SLC14A2: variants seen among roughly 807,000 people sequenced by gnomAD.
The protein encoded by SLC14A2 is urea transporter 2.
In SLC14A2, 91 loss-of-function variants were observed where a neutral mutation model predicts 104.6. The observed-to-expected ratio is 0.87, with a 90% CI of 0.73 to 1.04. The LOEUF is 1.04. SLC14A2 is among the 50% of genes least tolerant of loss of function. The pLI is 0.00. For synonymous variants in SLC14A2, 476 were observed against 466.4 expected, an observed-to-expected ratio of 1.02 and a Z score of -0.27; for missense variants, 1,189 against 1,156.0, an observed-to-expected ratio of 1.03 and a Z score of -0.41.
At chr18:45,657,301 A>G (rs980602498) in intron 10 of SLC14A2, among the ~76,000 whole-genome samples, 2 of 151,404 alleles carry the variant, frequency 1.3e-5, no homozygotes, top group African/African-American at 4.9e-5. Flanking sequence ...GTGAAACCCC[A>G]TCTCTACTAA....
chr18:45,177,282 T>C, the SLC14A2 span, among the ~76,000 whole-genome samples: 1 of 152,150 alleles, frequency 6.6e-6, no homozygotes, highest in African/African-American at 2.4e-5. Flanking sequence ...GACACCCTAA[T>C]TCATGTTCTT....
At chr18:45,274,063 A>G (rs2084677610) in intron 1 of SLC14A2, among the ~76,000 whole-genome samples, 1 of 152,330 alleles carries the variant, frequency 6.6e-6, no homozygotes, top group East Asian at 1.9e-4. Flanking sequence ...GATTCCATCT[A>G]TGTGATAACA....
chr18:45,198,935 A>G, the SLC14A2 span, among the ~76,000 whole-genome samples: 740 of 152,262 alleles, frequency 4.9e-3, no homozygotes, highest in Non-Finnish European at 8.2e-3. Flanking sequence ...TTCTTTGTGC[A>G]CCAATTTTCT....
intron 3 of SLC14A2, among the ~76,000 whole-genome samples, chr18:45,626,261 T>G (rs536035498): frequency 6.6e-6 from 1 of 152,228 alleles, no homozygotes; most frequent in Non-Finnish European, 1.5e-5. Context: ...GCCTGCTATG[T>G]GCCAAGAAAA....
At chr18:45,535,695 C>A (rs907668139) in intron 2 of SLC14A2, among the ~76,000 whole-genome samples, 1 of 152,164 alleles carries the variant, frequency 6.6e-6, no homozygotes, top group African/African-American at 2.4e-5. Flanking sequence ...CTTGCATGGA[C>A]ACAAAATGAA....
In SLC14A2 at chr18:45,437,299, A is replaced by G. The variant is rs530094168; in HGVS notation, c.-124-45934A>G. Among the ~76,000 whole-genome samples, 3 of 152,354 alleles carry G rather than the reference A, an allele frequency of 2.0e-5. No homozygotes were observed. The South Asian group carries it at 6.2e-4, about 32-fold the overall frequency. ...GTACACCCAAGGGAGCAGGAAAGAAAGCAGGGCCAAGGTGCAGGCACATCC... is the reference window on the plus strand; with the variant it reads ...GTACACCCAAGGGAGCAGGAAAGAAGGCAGGGCCAAGGTGCAGGCACATCC... On this transcript the variant is annotated intron_variant, in intron 1 of 20. Coordinates refer to the SLC14A2 transcript ENST00000586448.
At chr18:45,388,247 A>G (rs2085922688) in intron 1 of SLC14A2, among the ~76,000 whole-genome samples, 1 of 151,788 alleles carries the variant, frequency 6.6e-6, no homozygotes, top group Non-Finnish European at 1.5e-5. Context: ...TATTTTTAGT[A>G]GAGATGGGGT....
chr18:45,176,189 A>T, the SLC14A2 span, among the ~76,000 whole-genome samples: 6 of 152,180 alleles, frequency 3.9e-5, no homozygotes, highest in African/African-American at 1.4e-4. Flanking sequence ...GTTCCTAAGC[A>T]CCAGGCATCA....
At chr18:45,611,685 G>A (rs1040918636), upstream of SLC14A2, among the ~76,000 whole-genome samples, 2 of 152,180 alleles carry the variant, frequency 1.3e-5, no homozygotes, top group Non-Finnish European at 2.9e-5. Flanking sequence ...AGAGTCCAGG[G>A]CCCAACACAA....
chr18:45,520,407 C>T lies in SLC14A2; in HGVS notation c.-35+37085C>T, dbSNP rs370197768. ...TGCAGGCTGCGAGTCCATGGGCATG[C>T]CTTAAACACACCCTTACCTTATGTC... On this transcript the variant is annotated intron_variant, in intron 2 of 20. Coordinates refer to the SLC14A2 transcript ENST00000586448. 5.3e-5 allele frequency among the ~76,000 whole-genome samples: 8 copies of T among 152,226 alleles called. No individual in the cohort carries two copies. In the South Asian group the frequency reaches 1.7e-3, roughly 32 times the overall value.
chr18:45,250,754 C>CTTT (rs2084413639), intron 1 of SLC14A2, among the ~76,000 whole-genome samples: 6 of 88,860 alleles, frequency 6.8e-5, no homozygotes, highest in African/African-American at 1.4e-4. Flanking sequence ...GTGGCTTCTT[C>CTTT]CTTTTTTTTT....
chr18:45,214,159 A>G (rs2083986958), intron 1 of SLC14A2, among the ~76,000 whole-genome samples: 2 of 152,216 alleles, frequency 1.3e-5, no homozygotes. Context: ...TTCAGACAAG[A>G]AATAAGTAGA....
At chr18:45,223,284 G>A (rs767873631) in intron 1 of SLC14A2, among the ~76,000 whole-genome samples, 9 of 152,104 alleles carry the variant, frequency 5.9e-5, no homozygotes, top group Admixed American at 1.3e-4. Flanking sequence ...TCACAATGAC[G>A]GAAGTTCAGG....
chr18:45,506,706 C>A (rs1819179332), intron 2 of SLC14A2, among the ~76,000 whole-genome samples: 1 of 152,184 alleles, frequency 6.6e-6, no homozygotes, highest in Non-Finnish European at 1.5e-5. Context: ...GGGAGCATGG[C>A]CCTGCCAACA....
At chr18:45,343,966 C>T (rs937962822) in intron 1 of SLC14A2, among the ~76,000 whole-genome samples, 3 of 152,164 alleles carry the variant, frequency 2.0e-5, no homozygotes, top group Admixed American at 6.5e-5. Flanking sequence ...AGTAGGGAAA[C>T]TGTATGAGGG....
At chr18:45,523,731 T>C (rs2043551539) in intron 2 of SLC14A2, among the ~76,000 whole-genome samples, 1 of 152,090 alleles carries the variant, frequency 6.6e-6, no homozygotes, top group Non-Finnish European at 1.5e-5. Flanking sequence ...ACCTGAGACC[T>C]GCCTTTGCTC....
At chr18:45,213,160 C>G (rs2083976395) in exon 1 of SLC14A2, 1 of 152,160 alleles carries the variant, frequency 6.6e-6, no homozygotes, top group African/African-American at 2.4e-5. Context: ...TGGAGCACCT[C>G]CATTCATTGT....
chr18:45,439,063 T>C (rs538972346), intron 1 of SLC14A2, among the ~76,000 whole-genome samples: 14 of 152,042 alleles, frequency 9.2e-5, no homozygotes, highest in Non-Finnish European at 2.1e-4. Context: ...GAAGGGAGGA[T>C]CACTTGAGGG....
At chr18:45,236,671 A>C (rs897993889) in intron 1 of SLC14A2, among the ~76,000 whole-genome samples, 1 of 151,410 alleles carries the variant, frequency 6.6e-6, no homozygotes, top group Admixed American at 6.6e-5. Flanking sequence ...TCATCAATGG[A>C]CACTGATCTT....
Sources: allele counts gnomAD v4.1 joint callset (sites outside exome capture counted in the v4.1 genomes callset), GRCh38; gene constraint gnomAD v4.1.1; transcripts MANE v1.5; gene names NCBI Gene and HGNC (gene_info 2026-07-23, HGNC 2026-07-21).